The following ARHGEF10L variants were observed in gnomAD, a reference collection of about 807,000 sequenced individuals.
ARHGEF10L encodes the protein rho guanine nucleotide exchange factor 10-like protein.
ARHGEF10L carries 69 observed loss-of-function variants against 141.2 expected under a neutral mutation model. The ratio of observed to expected loss-of-function variants is 0.49; its 90% confidence interval spans 0.40 to 0.60. The LOEUF is 0.60. ARHGEF10L is among the 20% of genes least tolerant of loss of function. The pLI, the probability that ARHGEF10L is intolerant of heterozygous loss-of-function variation, is 0.00. For missense variants in ARHGEF10L, 1,482 were observed against 1,734.3 expected, an observed-to-expected ratio of 0.85 and a Z score of 2.58; for synonymous variants, 711 against 718.5, an observed-to-expected ratio of 0.99 and a Z score of 0.17.
intron 1 of ARHGEF10L, among the ~76,000 whole-genome samples, chr1:17,543,142 A>G (rs2076791043): frequency 6.6e-6 from 1 of 152,176 alleles, no homozygotes; most frequent in Admixed American, 6.5e-5. Context: ...CCCTGGTCTG[A>G]TGACATTCCC....
chr1:17,646,224 G>A (rs1438656910), intron 21 of ARHGEF10L, among the ~76,000 whole-genome samples: 1 of 152,214 alleles, frequency 6.6e-6, no homozygotes, highest in Non-Finnish European at 1.5e-5. Context: ...TCCTCTTGCT[G>A]TGCCAGCATT....
chr1:17,601,066 A>C (rs538059712), intron 4 of ARHGEF10L, among the ~76,000 whole-genome samples: 5,312 of 120,630 alleles, frequency 0.044, 333 homozygotes, highest in African/African-American at 0.15. Flanking sequence ...AAAAAAAAAA[A>C]AACAAAAAAC....
intron 1 of ARHGEF10L, among the ~76,000 whole-genome samples, chr1:17,551,109 C>T (rs535653387): frequency 2.0e-5 from 3 of 152,178 alleles, no homozygotes; most frequent in Admixed American, 6.5e-5. Flanking sequence ...CGTTTGCCCA[C>T]GGCATTCCCG....
At chr1:17,617,368 G>A (rs1028856189) in intron 9 of ARHGEF10L, among the ~76,000 whole-genome samples, 14 of 152,292 alleles carry the variant, frequency 9.2e-5, no homozygotes, top group Non-Finnish European at 1.6e-4. Context: ...CCCCCTTCAG[G>A]TGCCTACCCT....
At chr1:17,650,207 C>T (rs1167435433) in intron 22 of ARHGEF10L, among the ~76,000 whole-genome samples, 7 of 150,808 alleles carry the variant, frequency 4.6e-5, no homozygotes. Context: ...TCCAGGAGTT[C>T]GAGACCAGCC....
chr1:17,620,058 A>G (rs1197483675), intron 10 of ARHGEF10L, among the ~76,000 whole-genome samples: 1 of 151,898 alleles, frequency 6.6e-6, no homozygotes, highest in Non-Finnish European at 1.5e-5. Context: ...AAAAAATTAG[A>G]TGTGCATGGT....
In ARHGEF10L at chr1:17,607,878, C is replaced by T; in HGVS notation, c.510C>T (p.Ser170=). The T allele has an allele frequency of 1.3e-6, 2 of 1,580,680 alleles. No individual in the cohort carries two copies. The highest frequency in any genetic ancestry group is 3.6e-5 in the Admixed American group (2 of 55,144). ...APRQAEDLGW[S]SSEFESYSED... ...GGCAGGCGGAGGACCTAGGCTGGAG[C>T]TCCAGTGAGTTCGAGAGCTACAGCG... The change falls in exon 7 of 29, where the codon AGC becomes AGT. Residue 170 remains serine (S), a synonymous_variant. Transcript: ENST00000361221. The surrounding 1 kb of genome is among the most constrained non-coding windows in gnomAD (Gnocchi z 4.5).
In ARHGEF10L at chr1:17,607,876, A is replaced by G; in HGVS notation, c.508A>G (p.Ser170Gly). 4 of 1,580,160 alleles carry G rather than the reference A, an allele frequency of 2.5e-6. No homozygotes were observed. Among genetic ancestry groups the G allele is most frequent in the South Asian group, 1.1e-5 (1 of 87,392 alleles). ...TCGGCAGGCGGAGGACCTAGGCTGG[A>G]GCTCCAGTGAGTTCGAGAGCTACAG... Reference protein sequence around the residue: ...APRQAEDLGWSSSEFESYSED... With the variant: ...APRQAEDLGWGSSEFESYSED... The change falls in exon 7 of 29, where the codon AGC (serine) becomes GGC (glycine). Residue 170 changes from serine (S) to glycine (G), a missense_variant. Physicochemically the swap from Ser to Gly is moderately conservative, Grantham distance 56 (BLOSUM62 0). Coordinates refer to ENST00000361221, the MANE Select transcript of ARHGEF10L (RefSeq NM_018125.4). The surrounding 1 kb of genome is among the most constrained non-coding windows in gnomAD (Gnocchi z 4.5).
rs971895873 is a variant in ARHGEF10L at position 17,664,650 on chromosome 1, C to T, written c.3009+55C>T. Reference sequence around the variant, plus strand: ...TGGAGGCCTGCCTTCCTTTTGCTGACCCTTTCTTATGTCCACCCCGGCACC... The same window carrying T: ...TGGAGGCCTGCCTTCCTTTTGCTGATCCTTTCTTATGTCCACCCCGGCACC... On this transcript the variant is annotated intron_variant, in intron 26 of 28. Transcript: ENST00000361221. The T allele has an allele frequency of 3.1e-5, 45 of 1,456,296 alleles. No individual in the cohort carries two copies. In the African/African-American group the frequency reaches 5.9e-4, roughly 19 times the overall value. The allele number at this position is 1,456,296 out of a possible 1,614,324, so 90.2% of individuals were successfully genotyped here. A position where few individuals can be genotyped will look rare whatever the true frequency, so the allele number is the denominator to read the frequency against.
the ARHGEF10L span, among the ~76,000 whole-genome samples, chr1:17,520,227 C>T: frequency 0.32 from 48,901 of 152,086 alleles, 8,793 homozygotes; most frequent in Non-Finnish European, 0.4. Flanking sequence ...ACTGCCAGGG[C>T]TGCCTCCTGT....
intron 27 of ARHGEF10L, 168 bp from the exon 28 acceptor site, chr1:17,694,990 C>G (rs1267414191): frequency 3.1e-6 from 3 of 967,376 alleles, no homozygotes; most frequent in Non-Finnish European, 4.9e-6. Flanking sequence ...TGGCCAGACC[C>G]CAGGCAGGTC....
intron 26 of ARHGEF10L, among the ~76,000 whole-genome samples, chr1:17,667,436 TG>T (rs2063054489): frequency 6.6e-6 from 1 of 152,014 alleles, no homozygotes; most frequent in Admixed American, 6.5e-5. Flanking sequence ...TTCTCAATAT[TG>T]GGGGGAGTGG....
chr1:17,682,944 T>C (rs1053702114), intron 26 of ARHGEF10L, among the ~76,000 whole-genome samples: 1 of 152,142 alleles, frequency 6.6e-6, no homozygotes, highest in Non-Finnish European at 1.5e-5. Context: ...GAGCAGAGTT[T>C]GATGAGCTGA....
At chr1:17,624,346 C>A (rs1196357167) in intron 12 of ARHGEF10L, 41 bp from the exon 13 acceptor site, 1 of 1,517,528 alleles carries the variant, frequency 6.6e-7, no homozygotes, top group Admixed American at 1.7e-5. Flanking sequence ...CTGCTCCCTG[C>A]ATTGAGGCGG....
rs1393632562 is a variant in ARHGEF10L at position 17,603,917 on chromosome 1, G to A, written c.433+326G>A. ...GCTTTCTGGGGCTGTTGGGGAAGAC[G>A]ACAGACTGTTACACTCAAAGGGTGA... On this transcript the variant is annotated intron_variant, in intron 6 of 28. Coordinates refer to ENST00000361221, the MANE Select transcript of ARHGEF10L (RefSeq NM_018125.4). The surrounding 1 kb of genome is among the most constrained non-coding windows in gnomAD (Gnocchi z 4.8). Among the ~76,000 whole-genome samples the A allele has an allele frequency of 2.6e-5, 4 of 152,286 alleles. No homozygotes were observed. The highest frequency in any genetic ancestry group is 4.8e-5 in the African/African-American group (2 of 41,570).
At chr1:17,571,893 C>T (rs192285492) in intron 1 of ARHGEF10L, among the ~76,000 whole-genome samples, 5 of 152,292 alleles carry the variant, frequency 3.3e-5, no homozygotes, top group South Asian at 2.1e-4. Flanking sequence ...TTGGTGGCCT[C>T]GGCTTCTACC....
intron 22 of ARHGEF10L, among the ~76,000 whole-genome samples, chr1:17,652,848 C>A (rs1004656901): frequency 3.3e-5 from 5 of 152,080 alleles, no homozygotes; most frequent in African/African-American, 4.8e-5. Context: ...GGGTGTAGCC[C>A]AGACCCACAG....
At chr1:17,676,632 C>A (rs951505212) in intron 26 of ARHGEF10L, among the ~76,000 whole-genome samples, 1 of 151,952 alleles carries the variant, frequency 6.6e-6, no homozygotes, top group African/African-American at 2.4e-5. Context: ...ATGAGGCAGA[C>A]GTGATAGAAC....
At chr1:17,609,452 T>C (rs2059428630) in intron 7 of ARHGEF10L, among the ~76,000 whole-genome samples, 1 of 152,210 alleles carries the variant, frequency 6.6e-6, no homozygotes, top group Non-Finnish European at 1.5e-5. Context: ...ATATCTTCAG[T>C]TGTGGGACGG....
Sources: allele counts gnomAD v4.1 joint callset (sites outside exome capture counted in the v4.1 genomes callset), GRCh38; gene constraint gnomAD v4.1.1; non-coding constraint Gnocchi (gnomAD v3.1); transcripts MANE v1.5; gene names NCBI Gene and HGNC (gene_info 2026-07-23, HGNC 2026-07-21).